The following ELF5 variants were observed in gnomAD, a reference collection of about 807,000 sequenced individuals.
ELF5 encodes E74 like ETS transcription factor 5, also known as ETS-related transcription factor Elf-5.
ELF5 carries 31 observed loss-of-function variants against 38.2 expected under a neutral mutation model. The ratio of observed to expected loss-of-function variants is 0.81; its 90% CI spans 0.61 to 1.10. ELF5 has a LOEUF of 1.10. Among genes scored for constraint, ELF5 ranks in the 50% least tolerant of loss-of-function variants. The pLI, the probability that ELF5 is intolerant of heterozygous loss-of-function variation, is 0.00. For synonymous variants in ELF5, 121 were observed against 112.5 expected (o/e 1.08, Z -0.48); for missense variants, 300 against 306.6 (o/e 0.98, Z 0.16).
intron 3 of ELF5, chr11:34,493,114 A>G: frequency 2.4e-6 from 1 of 409,874 alleles, no homozygotes; most frequent in Non-Finnish European, 4.4e-6. Context: ...ATTTAATTTT[A>G]TTCCTCTTCT....
intron 6 of ELF5, 140 bp from the exon 7 acceptor site, chr11:34,480,454 A>G (rs1856910776): frequency 1.4e-6 from 1 of 700,508 alleles, no homozygotes; most frequent in Non-Finnish European, 2.4e-6. Context: ...CCTGTTATCA[A>G]CTTACACTTA....
chr11:34,495,962 T>G (rs1850305874), intron 2 of ELF5, among the ~76,000 whole-genome samples: 1 of 152,230 alleles, frequency 6.6e-6, no homozygotes, highest in Non-Finnish European at 1.5e-5. Context: ...ATTTTTCAGC[T>G]GCGGGCCCTG....
chr11:34,488,524 C>T (rs1850069830), intron 4 of ELF5, among the ~76,000 whole-genome samples: 1 of 152,140 alleles, frequency 6.6e-6, no homozygotes, highest in African/African-American at 2.4e-5. Context: ...TAGCACAGGG[C>T]CTGGTTCATA....
At chr11:34,506,559 G>A (rs1362345536) in intron 1 of ELF5, among the ~76,000 whole-genome samples, 2 of 152,166 alleles carry the variant, frequency 1.3e-5, no homozygotes, top group East Asian at 3.8e-4. Context: ...CTGTCGCCAG[G>A]CTGGAGTGTA....
At chr11:34,512,605 C>A (rs1009122239) in intron 1 of ELF5, among the ~76,000 whole-genome samples, 1 of 147,946 alleles carries the variant, frequency 6.8e-6, no homozygotes, top group African/African-American at 2.5e-5. Context: ...TTAAATCATG[C>A]AATCCGATAT....
At chr11:34,505,937 T>A (rs1310437855) in intron 1 of ELF5, among the ~76,000 whole-genome samples, 184 bp from the exon 2 acceptor site, 1 of 152,214 alleles carries the variant, frequency 6.6e-6, no homozygotes. Flanking sequence ...CCATATCCTG[T>A]CTATCCCCAT....
intron 3 of ELF5, among the ~76,000 whole-genome samples, chr11:34,491,051 C>T (rs1232772531): frequency 6.6e-6 from 1 of 152,170 alleles, no homozygotes; most frequent in Non-Finnish European, 1.5e-5. Flanking sequence ...AACCCCCTTC[C>T]AGCTCCTCTC....
intron 1 of ELF5, among the ~76,000 whole-genome samples, chr11:34,513,321 GC>G (rs1404177484): frequency 6.6e-6 from 1 of 152,260 alleles, no homozygotes. Flanking sequence ...TTTCCTTGAA[GC>G]TGAATATTTT....
chr11:34,505,558 T>C, intron 2 of ELF5, 71 bp downstream of exon 2: 1 of 1,598,766 alleles, frequency 6.3e-7, no homozygotes, highest in Non-Finnish European at 8.5e-7. Context: ...GTCTTCCACC[T>C]GCGGCCAGCA....
Position 34,505,633 on chromosome 11 carries a change from C to T in ELF5, c.117G>A (p.Gln39=), listed in dbSNP as rs767297934. ...GGCTCCTTCAAATGTACGCACCTGT[C>T]TGATGCTCAAAGGCAGGGTAGTACT... The part of the protein sequence containing the change: ...NEEYYPAFEH[Q]TACDSYWTSV... The change falls in exon 2 of 7, where the codon CAG becomes CAA. Residue 39 remains glutamine (Q), a synonymous_variant. Transcript: ENST00000257832. 1.1e-5 allele frequency: 17 copies of T among 1,613,808 alleles called. No homozygotes were observed. In the South Asian group the frequency reaches 1.9e-4, roughly 18 times the overall value.
intron 4 of ELF5, among the ~76,000 whole-genome samples, chr11:34,488,900 GGT>G (rs904925467): frequency 6.6e-6 from 1 of 152,216 alleles, no homozygotes; most frequent in Non-Finnish European, 1.5e-5. Context: ...GGTTAGGTGT[GGT>G]GGTAAAAGCT....
chr11:34,505,776 G>A, intron 1 of ELF5, 23 bp from the exon 2 acceptor site: 1 of 1,610,076 alleles, frequency 6.2e-7, no homozygotes, highest in Non-Finnish European at 8.5e-7. Flanking sequence ...GAGAGGTCGT[G>A]AGGAGGCTGG....
In ELF5 at chr11:34,500,682, G is replaced by A. The variant is rs139367568; in HGVS notation, c.121+4947C>T. On this transcript the variant is annotated intron_variant, in intron 2 of 6. Coordinates refer to ENST00000257832, the MANE Select transcript of ELF5 (RefSeq NM_001422.4). ...CAGTGAGTCCTCCTGAGGTGTGGGC[G>A]CTGCCACAGGGCTCACCTCAGACTT... Among the ~76,000 whole-genome samples, 477 of 152,360 alleles carry A rather than the reference G, an allele frequency of 3.1e-3. 4 individuals carry two copies. The highest frequency in any genetic ancestry group is 0.011 in the African/African-American group (450 of 41,592).
chr11:34,501,646 C>G (rs1366200043), intron 2 of ELF5, among the ~76,000 whole-genome samples: 1 of 151,986 alleles, frequency 6.6e-6, no homozygotes, highest in Non-Finnish European at 1.5e-5. Context: ...TTGAAAAAGC[C>G]ACAGGCAAGG....
chr11:34,480,092 A>C lies in ELF5; in HGVS notation c.*126T>G, dbSNP rs999029530. The stretch of plus-strand genomic sequence containing the variant: ...TCCAAATGTAAGCTGAGATGTGGAG[A>C]AATTTTATCAGCATGTTTGCAGGTT... On this transcript the variant is annotated 3_prime_UTR_variant, in exon 7 of 7. Transcript: ENST00000257832. 2.1e-5 allele frequency: 16 copies of C among 757,962 alleles called. No individual in the cohort carries two copies. The highest frequency in any genetic ancestry group is 3.2e-5 in the Non-Finnish European group (15 of 467,988). The allele number at this position is 757,962 out of a possible 1,614,324, so 47.0% of individuals were successfully genotyped here. A position where few individuals can be genotyped will look rare whatever the true frequency, so the allele number is the denominator to read the frequency against.
In ELF5 at chr11:34,490,071, A is replaced by T. The variant is rs1181009881; in HGVS notation, c.356-12T>A. 1 of 1,613,876 alleles carries T rather than the reference A, an allele frequency of 6.2e-7. No individual in the cohort carries two copies. Among genetic ancestry groups the T allele is most frequent in the Non-Finnish European group, 8.5e-7 (1 of 1,179,850 alleles). ...AAAAAAGGAGTAACCTGGGAAAGAA[A>T]AAGAAATCCAGAAACCATACCATGC... On this transcript the variant is annotated splice_polypyrimidine_tract_variant and intron_variant, in intron 3 of 6. Coordinates refer to ENST00000257832, the MANE Select transcript of ELF5 (RefSeq NM_001422.4).
chr11:34,489,783 A>G (rs1428420825), intron 4 of ELF5, among the ~76,000 whole-genome samples: 1 of 152,174 alleles, frequency 6.6e-6, no homozygotes, highest in Non-Finnish European at 1.5e-5. Flanking sequence ...AGGGGAATGG[A>G]GTCTCAGACG....
chr11:34,494,882 T>C (rs930286427), intron 2 of ELF5, among the ~76,000 whole-genome samples: 1 of 152,230 alleles, frequency 6.6e-6, no homozygotes, highest in Non-Finnish European at 1.5e-5. Flanking sequence ...TGACTTAATA[T>C]ACATAAAAGT....
intron 2 of ELF5, among the ~76,000 whole-genome samples, chr11:34,504,856 A>G (rs1590340930): frequency 6.6e-6 from 1 of 152,138 alleles, no homozygotes; most frequent in East Asian, 1.9e-4. Flanking sequence ...CCAGGCTGAG[A>G]AAGAGGAGGG....
Sources: allele counts gnomAD v4.1 joint callset (sites outside exome capture counted in the v4.1 genomes callset), GRCh38; gene constraint gnomAD v4.1.1; transcripts MANE v1.5; gene names NCBI Gene and HGNC (gene_info 2026-07-23, HGNC 2026-07-21).